The following PHTF2 variants were observed in gnomAD, a reference collection of about 807,000 sequenced individuals.
PHTF2 encodes protein PHTF2.
PHTF2 carries 60 observed loss-of-function variants against 101.2 expected under a neutral mutation model. The ratio of observed to expected loss-of-function variants is 0.59; its 90% confidence interval spans 0.48 to 0.73. PHTF2 has a LOEUF of 0.73. Among genes scored for constraint, PHTF2 ranks in the 30% least tolerant of loss-of-function variants. The pLI is 0.00. For synonymous variants in PHTF2, 311 were observed against 307.3 expected (o/e 1.01, Z -0.13); for missense variants, 747 against 908.7 (o/e 0.82, Z 2.29).
In PHTF2 at chr7:77,914,828, T is replaced by C. The variant is rs1226460048; in HGVS notation, c.776+4419T>C. ...CTTTCCTTGGTTTGTGCTAGAGTTA[T>C]ATCGGATCCACATTAAACTGAGATT... On this transcript the variant is annotated intron_variant, in intron 9 of 19. Transcript: ENST00000416283. Among the ~76,000 whole-genome samples the C allele has an allele frequency of 2.0e-5, 3 of 152,198 alleles. No individual in the cohort carries two copies. The East Asian group carries it at 5.8e-4, about 29-fold the overall frequency.
At chr7:77,810,131 G>A (rs910557071) in intron 1 of PHTF2, among the ~76,000 whole-genome samples, 1 of 152,022 alleles carries the variant, frequency 6.6e-6, no homozygotes, top group Admixed American at 6.6e-5. Context: ...CAGATTACCT[G>A]TATTTTAACA....
chr7:77,824,492 C>T (rs1206310431), intron 1 of PHTF2, among the ~76,000 whole-genome samples: 1 of 152,058 alleles, frequency 6.6e-6, no homozygotes, highest in Admixed American at 6.6e-5. Flanking sequence ...GTGGTGCAAT[C>T]TCGGCTCACT....
chr7:77,846,501 A>G (rs972817691), intron 2 of PHTF2, among the ~76,000 whole-genome samples: 3 of 151,912 alleles, frequency 2.0e-5, no homozygotes, highest in African/African-American at 7.3e-5. Context: ...GTCTTGGGAC[A>G]TTGGTGGGTG....
chr7:77,901,867 A>G, exon 7 of PHTF2: 3 of 1,604,650 alleles, frequency 1.9e-6, no homozygotes, highest in Non-Finnish European at 2.6e-6. Context: ...TGGTGGTTAC[A>G]AGTAACATCA....
intron 2 of PHTF2, among the ~76,000 whole-genome samples, chr7:77,853,134 T>C (rs1425940873): frequency 6.6e-6 from 1 of 152,200 alleles, no homozygotes; most frequent in Non-Finnish European, 1.5e-5. Flanking sequence ...AGATTTGTTA[T>C]TATCTCTTTG....
At chr7:77,818,473 A>G (rs1040795584) in intron 1 of PHTF2, among the ~76,000 whole-genome samples, 5 of 152,150 alleles carry the variant, frequency 3.3e-5, no homozygotes, top group African/African-American at 1.2e-4. Context: ...ATTCTTCTGC[A>G]TATCCAGTTT....
rs1426693429 is a variant in PHTF2 at position 77,954,612 on chromosome 7, G to GTGTATATATATATA, written c.2338-245_2338-244insGTATATATATATAT. 6.3e-4 allele frequency among the ~76,000 whole-genome samples: 57 copies of GTGTATATATATATA among 90,168 alleles called. 1 individual carries two copies. The highest frequency in any genetic ancestry group is 1.2e-3 in the African/African-American group (26 of 21,052). The allele number at this position is 90,168 out of a possible 152,430, so 59.2% of individuals were successfully genotyped here. On this transcript the variant is annotated intron_variant, in intron 19 of 19. Transcript: ENST00000416283. ...GATAATCATATTAAACAAGTACTGTGTATATATATATATATATATATATAT... is the reference window on the plus strand; with the variant it reads ...GATAATCATATTAAACAAGTACTGTGTGTATATATATATATATATATATATATATATATATATAT...
Position 77,901,710 on chromosome 7 carries a change from A to G in PHTF2, c.287-52A>G, listed in dbSNP as rs970762228. The G allele has an allele frequency of 1.2e-5, 12 of 1,032,450 alleles. No homozygotes were observed. In the African/African-American group the frequency reaches 2.0e-4, roughly 17 times the overall value. 64.0% of individuals were successfully genotyped at this position (1,032,450 alleles called of 1,614,324 possible). A position where few individuals can be genotyped will look rare whatever the true frequency, so the allele number is the denominator to read the frequency against. On this transcript the variant is annotated intron_variant, in intron 6 of 19. Transcript: ENST00000416283. ...CATTGAAATTTTTTTCTTTAAAGAA[A>G]TTAAAGAATAATATATAAATATACT...
intron 3 of PHTF2, chr7:77,854,867 G>T: frequency 1.3e-6 from 1 of 744,976 alleles, no homozygotes; most frequent in South Asian, 1.4e-5. Flanking sequence ...TCTCTGTTCA[G>T]GGCAGCAGGC....
intron 1 of PHTF2, among the ~76,000 whole-genome samples, chr7:77,836,074 C>T (rs771596759): frequency 3.6e-5 from 5 of 138,834 alleles, no homozygotes; most frequent in African/African-American, 5.7e-5. Context: ...GCTGAGATCA[C>T]GCCATTGCAC....
chr7:77,954,935 T>C, exon 20 of PHTF2: 1 of 946,838 alleles, frequency 1.1e-6, no homozygotes, highest in Admixed American at 2.3e-5. Flanking sequence ...CTGACTAAGC[T>C]GCCTGAAAGC....
At chr7:77,894,641 A>T (rs1285223611) in intron 5 of PHTF2, among the ~76,000 whole-genome samples, 1 of 152,180 alleles carries the variant, frequency 6.6e-6, no homozygotes, top group Middle Eastern at 3.2e-3. Flanking sequence ...GATAAAATAG[A>T]TTATAGTTTT....
chr7:77,937,094 G>C (rs1238079425), intron 12 of PHTF2, among the ~76,000 whole-genome samples: 1 of 151,070 alleles, frequency 6.6e-6, no homozygotes, highest in Admixed American at 6.6e-5. Context: ...AAAAAAAAAA[G>C]TTAAATGGGT....
chr7:77,937,655 CAT>C, intron 12 of PHTF2, 53 bp from the exon 12 acceptor site: 1 of 633,608 alleles, frequency 1.6e-6, no homozygotes, highest in South Asian at 4.2e-5. Flanking sequence ...TATATACACA[CAT>C]TTTATTTATT....
chr7:77,923,725 T>G (rs1012048380), intron 11 of PHTF2: 23 of 985,058 alleles, frequency 2.3e-5, no homozygotes, highest in Non-Finnish European at 2.8e-5. Context: ...TCTTACTGTA[T>G]GTACTGTTAG....
At chr7:77,885,171 G>A (rs539187718) in intron 3 of PHTF2, among the ~76,000 whole-genome samples, 1 of 152,146 alleles carries the variant, frequency 6.6e-6, no homozygotes, top group East Asian at 1.9e-4. Context: ...ATAGCTTACC[G>A]TAGCCTCGAA....
intron 16 of PHTF2, among the ~76,000 whole-genome samples, chr7:77,943,009 A>T (rs182951381): frequency 6.6e-6 from 1 of 152,224 alleles, no homozygotes; most frequent in Non-Finnish European, 1.5e-5. Flanking sequence ...CAGATTAATT[A>T]ATTTTTGCCT....
chr7:77,921,759 T>C (rs1464976280), intron 10 of PHTF2, among the ~76,000 whole-genome samples: 1 of 152,184 alleles, frequency 6.6e-6, no homozygotes, highest in Non-Finnish European at 1.5e-5. Flanking sequence ...CATGAAAATA[T>C]CAATAAAACG....
Position 77,951,631 on chromosome 7 carries a change from G to A in PHTF2, c.2130G>A (p.Leu710=). ...TTTTATAAAAGATAAACCTCTACTT[G>A]AAAATGGAGAAAAAACCTAACAAAA... Residue 710 remains leucine (L), a synonymous_variant, in exon 18 of 20, where the codon TTG becomes TTA. Transcript: ENST00000416283. 3 of 1,405,804 alleles carry A rather than the reference G, an allele frequency of 2.1e-6. No homozygotes were observed. In the South Asian group the frequency reaches 4.0e-5, roughly 19 times the overall value. The allele number at this position is 1,405,804 out of a possible 1,614,324, so 87.1% of individuals were successfully genotyped here. A position where few individuals can be genotyped will look rare whatever the true frequency, so the allele number is the denominator to read the frequency against.
Sources: allele counts gnomAD v4.1 joint callset (sites outside exome capture counted in the v4.1 genomes callset), GRCh38; gene constraint gnomAD v4.1.1; transcripts MANE v1.5; gene names NCBI Gene and HGNC (gene_info 2026-07-23, HGNC 2026-07-21).